The following CCDC14 variants were observed in gnomAD, a reference collection of about 807,000 sequenced individuals.
CCDC14 encodes the protein coiled-coil domain containing 14.
Under a neutral mutation model 81.4 loss-of-function variants are expected in CCDC14, and 71 were observed. The ratio of observed to expected loss-of-function variants is 0.87; its 90% CI spans 0.72 to 1.06. The LOEUF (loss-of-function observed/expected upper bound fraction) is 1.06, where lower values mean the gene tolerates loss of function less well. CCDC14 is among the 50% of genes least tolerant of loss of function. The pLI is 0.00. For synonymous variants in CCDC14, 332 were observed against 364.8 expected (o/e 0.91, Z 1.03); for missense variants, 1,046 against 1,047.3 (o/e 1.00, Z 0.02).
intron 9 of CCDC14, among the ~76,000 whole-genome samples, chr3:123,942,985 C>T (rs2036431631): frequency 6.6e-6 from 1 of 152,070 alleles, no homozygotes; most frequent in African/African-American, 2.4e-5. Context: ...CGAGTGCTTA[C>T]TAAGGTTCTC....
At chr3:123,909,477 G>T (rs1682885789), downstream of CCDC14, among the ~76,000 whole-genome samples, 1 of 152,154 alleles carries the variant, frequency 6.6e-6, no homozygotes, top group Non-Finnish European at 1.5e-5. Flanking sequence ...ACAAGTTTTA[G>T]TAATGACTTT....
chr3:123,910,099 C>T (rs558734057), downstream of CCDC14, among the ~76,000 whole-genome samples: 1 of 151,998 alleles, frequency 6.6e-6, no homozygotes, highest in Non-Finnish European at 1.5e-5. Context: ...TAGTTAGAAC[C>T]TTAGTCTTCG....
intron 7 of CCDC14, among the ~76,000 whole-genome samples, chr3:123,948,294 T>C (rs1039037393): frequency 4.0e-5 from 6 of 151,554 alleles, no homozygotes; most frequent in African/African-American, 1.5e-4. Flanking sequence ...TGGAGTGCAG[T>C]GGCGCGATCT....
rs375794233 is a variant in CCDC14, at chr3:123,900,483, T to A, written c.668-2870A>T. On this transcript the variant is annotated intron_variant, in intron 5 of 5. Transcript: ENST00000479903. Reference sequence around the variant, plus strand: ...TCAGCAAGACCATAACTGAACAGTCTTAGAAAGGTGTATATCCACTTTTCC... The same window carrying A: ...TCAGCAAGACCATAACTGAACAGTCATAGAAAGGTGTATATCCACTTTTCC... 2.7e-4 allele frequency among the ~76,000 whole-genome samples: 41 copies of A among 152,206 alleles called. 2 individuals carry two copies. Among genetic ancestry groups the A allele is most frequent in the Admixed American group, 2.0e-3 (30 of 15,286 alleles).
chr3:123,941,382 G>A (rs16834914), intron 9 of CCDC14, among the ~76,000 whole-genome samples: 16,753 of 151,702 alleles, frequency 0.11, 2,072 homozygotes, highest in East Asian at 0.42. Context: ...AGAAAGTCCT[G>A]AAAGATGTGG....
At chr3:123,917,587 C>A (rs2034789544) in intron 12 of CCDC14, among the ~76,000 whole-genome samples, 1 of 151,328 alleles carries the variant, frequency 6.6e-6, no homozygotes, top group Admixed American at 6.6e-5. Context: ...AAAAAAATAC[C>A]ACTAGCCAAT....
the CCDC14 span, among the ~76,000 whole-genome samples, chr3:123,886,307 G>GT: frequency 7.9e-5 from 12 of 151,980 alleles, no homozygotes; most frequent in Admixed American, 2.0e-4. Context: ...AGAAGCTCTA[G>GT]TTTTTTTGTT....
chr3:123,938,390 T>C (rs558470282), intron 9 of CCDC14, among the ~76,000 whole-genome samples: 2 of 152,082 alleles, frequency 1.3e-5, no homozygotes, highest in East Asian at 3.9e-4. Context: ...ACTCTAGTAC[T>C]GATTTTAAAT....
At chr3:123,889,488 TC>T in the CCDC14 span, among the ~76,000 whole-genome samples, 2 of 152,178 alleles carry the variant, frequency 1.3e-5, no homozygotes, top group Non-Finnish European at 2.9e-5. Context: ...AGCAGGGAAG[TC>T]ATTAAATCTT....
the CCDC14 span, among the ~76,000 whole-genome samples, chr3:123,886,700 G>A: frequency 1.0e-3 from 152 of 152,186 alleles, no homozygotes; most frequent in African/African-American, 3.4e-3. Context: ...CTGGCCAGAA[G>A]CTCTAGTTTC....
intron 1 of CCDC14, among the ~76,000 whole-genome samples, chr3:123,959,180 T>C (rs761755329): frequency 3.3e-5 from 5 of 152,238 alleles, no homozygotes; most frequent in Non-Finnish European, 7.4e-5. Flanking sequence ...TGCTGGGTGA[T>C]ATAGTTCTAT....
At chr3:123,935,432 A>G (rs1031114312) in intron 9 of CCDC14, among the ~76,000 whole-genome samples, 1 of 152,222 alleles carries the variant, frequency 6.6e-6, no homozygotes, top group Non-Finnish European at 1.5e-5. Flanking sequence ...ACAGTTTTAC[A>G]TGTGCAAAAG....
chr3:123,904,879 G>T (rs941333384), intron 5 of CCDC14, among the ~76,000 whole-genome samples: 1 of 152,130 alleles, frequency 6.6e-6, no homozygotes, highest in African/African-American at 2.4e-5. Flanking sequence ...GAAGAGTAAA[G>T]GCCCAAGCAT....
intron 12 of CCDC14, among the ~76,000 whole-genome samples, chr3:123,920,595 C>A: frequency 6.6e-6 from 1 of 152,152 alleles, no homozygotes; most frequent in East Asian, 1.9e-4. Flanking sequence ...CTTTATCCAG[C>A]AAAACTGTCC....
chr3:123,945,051 A>C, intron 8 of CCDC14, 61 bp from the exon 9 acceptor site: 1 of 1,115,202 alleles, frequency 9.0e-7, no homozygotes. Flanking sequence ...GATTATTAGT[A>C]TGTATTACTA....
chr3:123,913,522 C>T lies in CCDC14; in HGVS notation c.*1257G>A. ...ATGCCAATAAATTAATTCATGAATA[C>T]TAAATAAAATTAAAGATGCTAATGG... On this transcript the variant is annotated 3_prime_UTR_variant, in exon 13 of 13. Transcript: ENST00000409697. 22 of 980,448 alleles carry T rather than the reference C, an allele frequency of 2.2e-5. No individual in the cohort carries two copies. The highest frequency in any genetic ancestry group is 2.7e-5 in the Non-Finnish European group (22 of 825,820). The allele number at this position is 980,448 out of a possible 1,614,324, so 60.7% of individuals were successfully genotyped here. A position where few individuals can be genotyped will look rare whatever the true frequency, so the allele number is the denominator to read the frequency against.
intron 12 of CCDC14, among the ~76,000 whole-genome samples, chr3:123,922,783 A>C (rs941126102): frequency 1.3e-5 from 2 of 152,162 alleles, no homozygotes; most frequent in Non-Finnish European, 2.9e-5. Context: ...CCAACACTTA[A>C]AGAACATTTA....
At chr3:123,891,300 G>A in the CCDC14 span, among the ~76,000 whole-genome samples, 1 of 152,210 alleles carries the variant, frequency 6.6e-6, no homozygotes, top group Non-Finnish European at 1.5e-5. Context: ...TGTTACTTAT[G>A]CAAATTTCTG....
At chr3:123,955,993 T>A in intron 4 of CCDC14, 28 bp from the exon 5 acceptor site, 1 of 1,526,470 alleles carries the variant, frequency 6.6e-7, no homozygotes, top group Non-Finnish European at 8.8e-7. Flanking sequence ...ATTTGTTACA[T>A]CAAAATAATG....
Sources: allele counts gnomAD v4.1 joint callset (sites outside exome capture counted in the v4.1 genomes callset), GRCh38; gene constraint gnomAD v4.1.1; transcripts MANE v1.5; gene names NCBI Gene and HGNC (gene_info 2026-07-23, HGNC 2026-07-21).